The following CHST11 variants were observed in gnomAD, a reference collection of about 807,000 sequenced individuals.
CHST11 encodes C4S-1.
In CHST11, 9 loss-of-function variants were observed where a neutral mutation model predicts 30.4. The observed-to-expected ratio is 0.30, with a 90% confidence interval of 0.18 to 0.52. The LOEUF (loss-of-function observed/expected upper bound fraction) is 0.52. CHST11 is among the 20% of genes least tolerant of loss of function. The pLI is 0.97. For missense variants in CHST11, 348 were observed against 460.6 expected, an observed-to-expected ratio of 0.76 and a Z score of 2.24; for synonymous variants, 152 against 187.8, an observed-to-expected ratio of 0.81 and a Z score of 1.56.
intron 1 of CHST11, among the ~76,000 whole-genome samples, chr12:104,487,077 G>C (rs998845832): frequency 2.0e-5 from 3 of 152,132 alleles, no homozygotes. Flanking sequence ...GAAGAACACA[G>C]GCTTGCCAGA....
chr12:104,754,705 C>T (rs2040460682), intron 2 of CHST11, among the ~76,000 whole-genome samples: 1 of 152,064 alleles, frequency 6.6e-6, no homozygotes, highest in African/African-American at 2.4e-5. Flanking sequence ...GAATGCACAT[C>T]GGGGGATACT....
At chr12:104,483,640 T>A (rs2037650411) in intron 1 of CHST11, among the ~76,000 whole-genome samples, 1 of 152,242 alleles carries the variant, frequency 6.6e-6, no homozygotes, top group African/African-American at 2.4e-5. Context: ...CAATGTTACC[T>A]GCATCTCTTT....
chr12:104,530,394 T>C lies in CHST11; in HGVS notation c.119-71512T>C, dbSNP rs997640055. ...GCCCATGTTAGCTTGTGCTTTGTTC[T>C]ATTGCATGATTTGCCTCTGTCCCTG... On this transcript the variant is annotated intron_variant, in intron 1 of 2. Coordinates refer to ENST00000303694, the MANE Select transcript of CHST11 (RefSeq NM_018413.6). 3.0e-4 allele frequency among the ~76,000 whole-genome samples: 45 copies of C among 152,234 alleles called. 1 individual carries two copies. Among genetic ancestry groups the C allele is most frequent in the African/African-American group, 1.1e-3 (44 of 41,464 alleles).
At chr12:104,585,261 A>T (rs1239005337) in intron 1 of CHST11, among the ~76,000 whole-genome samples, 1 of 152,204 alleles carries the variant, frequency 6.6e-6, no homozygotes, top group East Asian at 1.9e-4. Flanking sequence ...ACCTTCAGCA[A>T]TGCCAAAGCG....
chr12:104,707,314 G>A (rs1322659347), intron 2 of CHST11, among the ~76,000 whole-genome samples: 3 of 152,154 alleles, frequency 2.0e-5, no homozygotes, highest in African/African-American at 2.4e-5. Context: ...CCCAGCCAGC[G>A]TTTTTCAAAG....
intron 1 of CHST11, among the ~76,000 whole-genome samples, chr12:104,575,516 G>A (rs957509340): frequency 2.6e-5 from 4 of 152,184 alleles, no homozygotes; most frequent in Non-Finnish European, 4.4e-5. Flanking sequence ...GTGATAATCC[G>A]GGTGAAGGGG....
chr12:104,561,793 A>AT (rs60344528), intron 1 of CHST11, among the ~76,000 whole-genome samples: 3,659 of 141,972 alleles, frequency 0.026, 126 homozygotes, highest in African/African-American at 0.071. Context: ...TATTAGGTCC[A>AT]TTTTTTTTTT....
At chr12:104,741,433 A>G (rs2040346157) in intron 2 of CHST11, among the ~76,000 whole-genome samples, 1 of 152,248 alleles carries the variant, frequency 6.6e-6, no homozygotes, top group African/African-American at 2.4e-5. Context: ...CTTTGGAACA[A>G]TGGAGAAATC....
intron 2 of CHST11, among the ~76,000 whole-genome samples, chr12:104,652,935 C>T (rs1228666742): frequency 6.6e-6 from 1 of 152,216 alleles, no homozygotes; most frequent in Non-Finnish European, 1.5e-5. Flanking sequence ...AACTGCTTCA[C>T]CTTGGGCCTA....
At chr12:104,720,858 C>A (rs1472065269) in intron 2 of CHST11, among the ~76,000 whole-genome samples, 1 of 152,116 alleles carries the variant, frequency 6.6e-6, no homozygotes, top group Non-Finnish European at 1.5e-5. Context: ...TTTAAAATGA[C>A]AGCACGTCTT....
At chr12:104,667,226 AG>A (rs1161675574) in intron 2 of CHST11, among the ~76,000 whole-genome samples, 5 of 152,166 alleles carry the variant, frequency 3.3e-5, no homozygotes, top group African/African-American at 1.2e-4. Flanking sequence ...AGATTCTTCC[AG>A]GCCGTCTCAT....
intron 2 of CHST11, among the ~76,000 whole-genome samples, chr12:104,663,170 G>A (rs1274876283): frequency 1.3e-5 from 2 of 152,216 alleles, no homozygotes; most frequent in Non-Finnish European, 2.9e-5. Context: ...CCTTCCAGAG[G>A]CCTGGGCGAG....
chr12:104,620,869 A>G (rs1338114873), intron 2 of CHST11, among the ~76,000 whole-genome samples: 1 of 152,228 alleles, frequency 6.6e-6, no homozygotes, highest in Non-Finnish European at 1.5e-5. Flanking sequence ...AGTCAATTGC[A>G]ATTGATAATT....
chr12:104,630,831 T>G (rs2039263311), intron 2 of CHST11, among the ~76,000 whole-genome samples: 1 of 152,190 alleles, frequency 6.6e-6, no homozygotes, highest in African/African-American at 2.4e-5. Flanking sequence ...TATGAAGAAA[T>G]GAGCATAATT....
At chr12:104,752,343 C>A (rs74685304) in intron 2 of CHST11, among the ~76,000 whole-genome samples, 2,537 of 152,242 alleles carry the variant, frequency 0.017, 28 homozygotes, top group East Asian at 0.048. Context: ...AATCCAGTAT[C>A]ATCTCATCTT....
intron 1 of CHST11, among the ~76,000 whole-genome samples, chr12:104,509,487 A>C (rs562018448): frequency 6.6e-6 from 1 of 152,312 alleles, no homozygotes; most frequent in African/African-American, 2.4e-5. Context: ...GTTTTCCCCT[A>C]TATAAGGGGG....
In CHST11 at chr12:104,728,078, GTAATAA is replaced by G. The variant is rs148736245; in HGVS notation, c.205-28862_205-28857del. ...GTTAAAAACAATGTCAGCAATAATA[GTAATAA>G]TAATAATAGCTGCAATTTCTCATTC... On this transcript the variant is annotated intron_variant, in intron 2 of 2. Coordinates refer to ENST00000303694, the MANE Select transcript of CHST11 (RefSeq NM_018413.6). 5.1e-3 allele frequency among the ~76,000 whole-genome samples: 778 copies of G among 152,192 alleles called. 4 individuals carry two copies. The highest frequency in any genetic ancestry group is 6.2e-3 in the Admixed American group (95 of 15,282).
chr12:104,578,544 G>T (rs116135170), intron 1 of CHST11, among the ~76,000 whole-genome samples: 24 of 152,246 alleles, frequency 1.6e-4, no homozygotes, highest in African/African-American at 5.8e-4. Flanking sequence ...GGGTCCGTTG[G>T]CTGTCTCTCT....
chr12:104,680,872 T>C (rs889094137), intron 2 of CHST11, among the ~76,000 whole-genome samples: 5 of 152,226 alleles, frequency 3.3e-5, no homozygotes, highest in African/African-American at 9.6e-5. Context: ...GAAGAAGGCA[T>C]AGATGTTAGG....
Sources: gnomAD v4.1 joint callset for allele counts (sites outside exome capture counted in the v4.1 genomes callset) on GRCh38, gnomAD v4.1.1 for gene constraint, MANE v1.5 for transcripts, NCBI Gene and HGNC (gene_info 2026-07-23, HGNC 2026-07-21) for gene names.